The following CEP128 variants were observed in gnomAD, a reference collection of about 807,000 sequenced individuals.
The protein encoded by CEP128 is centrosomal protein 128kDa.
CEP128 carries 132 observed loss-of-function variants against 156.7 expected under a neutral mutation model. That is an observed-to-expected ratio of 0.84 (90% CI 0.73 to 0.97). CEP128 has a LOEUF of 0.97. Ranked by LOEUF, CEP128 falls within the 50% of genes least tolerant of loss-of-function variation. The pLI, the probability that CEP128 is intolerant of heterozygous loss-of-function variation, is 0.00. For missense variants in CEP128, 1,252 were observed against 1,281.9 expected, an observed-to-expected ratio of 0.98 and a Z score of 0.36; for synonymous variants, 469 against 448.9, an observed-to-expected ratio of 1.04 and a Z score of -0.57.
intron 6 of CEP128, among the ~76,000 whole-genome samples, chr14:80,900,778 G>A (rs1883504470): frequency 6.6e-6 from 1 of 152,164 alleles, no homozygotes; most frequent in African/African-American, 2.4e-5. Context: ...AAAGATTACA[G>A]TAGTATCCCA....
intron 23 of CEP128, among the ~76,000 whole-genome samples, chr14:80,522,689 C>T (rs1444280728): frequency 6.6e-6 from 1 of 152,142 alleles, no homozygotes; most frequent in Admixed American, 6.6e-5. Flanking sequence ...TCTGTGAATT[C>T]AAATTAGTAA....
intron 2 of CEP128, among the ~76,000 whole-genome samples, chr14:80,926,107 C>A (rs911566282): frequency 6.6e-6 from 1 of 152,144 alleles, no homozygotes; most frequent in Non-Finnish European, 1.5e-5. Flanking sequence ...GTGATATAAT[C>A]TTTAGTGGGG....
intron 15 of CEP128, among the ~76,000 whole-genome samples, chr14:80,781,178 C>T (rs754037227): frequency 1.9e-4 from 29 of 152,080 alleles, no homozygotes; most frequent in African/African-American, 3.6e-4. Context: ...GTAATGAACG[C>T]GCCAGGCAGT....
rs563807633 is a variant in CEP128 at position 80,831,679 on chromosome 14, A to G, written c.1058-385T>C. ...TCATCTACAAAATATTTTTTTTGCAACATAAACAACAAATGATGCTATTAA... is the reference window on the plus strand; with the variant it reads ...TCATCTACAAAATATTTTTTTTGCAGCATAAACAACAAATGATGCTATTAA... On this transcript the variant is annotated intron_variant, in intron 12 of 24. Coordinates refer to ENST00000555265, the MANE Select transcript of CEP128 (RefSeq NM_152446.5). Among the ~76,000 whole-genome samples, 8 of 151,888 alleles carry G rather than the reference A, an allele frequency of 5.3e-5. No homozygotes were observed. In the East Asian group the frequency reaches 1.5e-3, roughly 29 times the overall value.
At position 80,692,814 on chromosome 14, in the gene CEP128, T is replaced by C. The variant is rs1027227213; in HGVS notation, c.2806+50261A>G. ...CAGACCAGCTCACTCTGCACTGGTT[T>C]TCCTTTAGATAGAGAAAGTTTGTTC... On this transcript the variant is annotated intron_variant, in intron 19 of 24. Transcript: ENST00000555265. Among the ~76,000 whole-genome samples the C allele has an allele frequency of 4.6e-5, 7 of 152,296 alleles. No individual in the cohort carries two copies. In the East Asian group the frequency reaches 1.4e-3, roughly 29 times the overall value.
chr14:80,672,283 C>A (rs1895872630), intron 19 of CEP128, among the ~76,000 whole-genome samples: 1 of 140,730 alleles, frequency 7.1e-6, no homozygotes, highest in African/African-American at 2.6e-5. Context: ...TATCATTAAA[C>A]AAATTTTGAG....
intron 21 of CEP128, among the ~76,000 whole-genome samples, chr14:80,545,151 A>G (rs1889927749): frequency 6.6e-6 from 1 of 152,194 alleles, no homozygotes; most frequent in Non-Finnish European, 1.5e-5. Context: ...GTGGAGTCTG[A>G]TAGGACTTCA....
At chr14:80,662,221 A>G (rs1895430391) in intron 19 of CEP128, among the ~76,000 whole-genome samples, 1 of 152,200 alleles carries the variant, frequency 6.6e-6, no homozygotes, top group East Asian at 1.9e-4. Flanking sequence ...TAATTAGTTT[A>G]TGCCATGAAA....
At chr14:80,537,183 A>G (rs1889523496) in intron 21 of CEP128, among the ~76,000 whole-genome samples, 1 of 152,100 alleles carries the variant, frequency 6.6e-6, no homozygotes, top group Non-Finnish European at 1.5e-5. Flanking sequence ...ATTTTTTTTT[A>G]AGAGAGGAAC....
intron 16 of CEP128, among the ~76,000 whole-genome samples, chr14:80,766,945 C>A (rs1275674404): frequency 6.6e-6 from 1 of 152,122 alleles, no homozygotes; most frequent in Non-Finnish European, 1.5e-5. Flanking sequence ...ATGCACACAT[C>A]CCCTAAAAAG....
Position 80,530,848 on chromosome 14 carries a change from A to C in CEP128, c.2919T>G (p.Pro973=), listed in dbSNP as rs753409207. ...AATCTTCTAGTAGGCTCAGTTTCTC[A>C]GGCACAGACTCCAGATGGTCCAAGG... ...QVALDHLESV[P]EKLSLLEDFK... is the part of the protein sequence containing the mutation. Residue 973 remains proline (P), a synonymous_variant, in exon 22 of 25, where the codon CCT becomes CCG. Coordinates refer to ENST00000555265, the MANE Select transcript of CEP128 (RefSeq NM_152446.5). The C allele has an allele frequency of 1.2e-6, 2 of 1,608,802 alleles. No individual in the cohort carries two copies. The highest frequency in any genetic ancestry group is 2.7e-5 in the African/African-American group (2 of 74,816).
chr14:80,503,349 G>C (rs963705321), intron 24 of CEP128, among the ~76,000 whole-genome samples: 2 of 152,106 alleles, frequency 1.3e-5, no homozygotes, highest in Non-Finnish European at 2.9e-5. Context: ...ATATCTTAGA[G>C]AAATGACCAC....
chr14:80,497,040 A>AGG lies in CEP128; in HGVS notation c.*438_*439insCC, dbSNP rs56003521. On this transcript the variant is annotated 3_prime_UTR_variant, in exon 25 of 25. Transcript: ENST00000555265. ...ACACATGATAATTTATTAGGGAGAA[A>AGG]ATTTTTCAAAAAATCAGTTGTATAT... 1 of 158,990 alleles carries AGG rather than the reference A, an allele frequency of 6.3e-6. No individual in the cohort carries two copies. Among genetic ancestry groups the AGG allele is most frequent in the Non-Finnish European group, 1.4e-5 (1 of 73,208 alleles). The allele number at this position is 158,990 out of a possible 1,614,324, so 9.8% of individuals were successfully genotyped here. A position where few individuals can be genotyped will look rare whatever the true frequency, so the allele number is the denominator to read the frequency against.
chr14:80,829,310 TC>T (rs1337503080), intron 13 of CEP128, among the ~76,000 whole-genome samples: 1 of 152,246 alleles, frequency 6.6e-6, no homozygotes, highest in Non-Finnish European at 1.5e-5. Flanking sequence ...CTTTGTGATG[TC>T]CTTTGCAATG....
intron 8 of CEP128, among the ~76,000 whole-genome samples, chr14:80,879,038 A>G (rs1448002970): frequency 6.6e-6 from 1 of 152,154 alleles, no homozygotes; most frequent in Non-Finnish European, 1.5e-5. Context: ...CACTACCACA[A>G]ATTCCTTCAG....
intron 20 of CEP128, among the ~76,000 whole-genome samples, chr14:80,563,217 A>T (rs1398745085): frequency 6.6e-6 from 1 of 152,000 alleles, no homozygotes; most frequent in Non-Finnish European, 1.5e-5. Context: ...CACTCTCAAC[A>T]CACTCGCAGG....
At chr14:80,580,644 G>A (rs1891551886) in intron 19 of CEP128, among the ~76,000 whole-genome samples, 1 of 152,048 alleles carries the variant, frequency 6.6e-6, no homozygotes, top group African/African-American at 2.4e-5. Context: ...AAGAAGCCCT[G>A]GGACATCTCT....
In CEP128 at chr14:80,842,537, C is replaced by T. The variant is rs117524587; in HGVS notation, c.763-1769G>A. Among the ~76,000 whole-genome samples, 1,238 of 152,040 alleles carry T rather than the reference C, an allele frequency of 8.1e-3. 11 individuals carry two copies. Among genetic ancestry groups the T allele is most frequent in the Non-Finnish European group, 0.01 (685 of 67,876 alleles). ...GATGCACCTGTAAACACTGAAAACACAGATAATACTCAAAGAGAGATATTT... is the reference window on the plus strand; with the variant it reads ...GATGCACCTGTAAACACTGAAAACATAGATAATACTCAAAGAGAGATATTT... On this transcript the variant is annotated intron_variant, in intron 9 of 24. Transcript: ENST00000555265.
At chr14:80,796,256 C>T (rs144370990) in intron 13 of CEP128, among the ~76,000 whole-genome samples, 9,910 of 152,112 alleles carry the variant, frequency 0.065, 1,072 homozygotes, top group African/African-American at 0.23. Context: ...CCCAGGAGTT[C>T]GAGATTAGCC....
Sources: gnomAD v4.1 joint callset for allele counts (sites outside exome capture counted in the v4.1 genomes callset) on GRCh38, gnomAD v4.1.1 for gene constraint, MANE v1.5 for transcripts, NCBI Gene and HGNC (gene_info 2026-07-23, HGNC 2026-07-21) for gene names.